Variants in ZNF729 observed in about 807,000 individuals in gnomAD.
The protein encoded by ZNF729 is zinc finger protein 729.
Under a neutral mutation model 12.2 loss-of-function variants are expected in ZNF729, and 15 were observed. That is an observed-to-expected ratio of 1.23 (90% CI 0.82 to 1.89). The LOEUF is 1.89. Ranked by LOEUF, ZNF729 falls within the 40% of genes most tolerant of loss-of-function variation. ZNF729 has a pLI of 0.00. For synonymous variants in ZNF729, 492 were observed against 476.3 expected (o/e 1.03, Z -0.43); for missense variants, 1,540 against 1,456.7 (o/e 1.06, Z -0.93).
At chr19:22,309,498 T>C (rs1968424560) in intron 3 of ZNF729, among the ~76,000 whole-genome samples, 1 of 152,238 alleles carries the variant, frequency 6.6e-6, no homozygotes, top group Non-Finnish European at 1.5e-5. Context: ...GTTTGCTTTG[T>C]CAAAGTTCAG....
rs1466439172 is a variant in ZNF729, at chr19:22,315,718, G to C, written c.2301G>C (p.Leu767Phe). 53 of 1,602,572 alleles carry C rather than the reference G, an allele frequency of 3.3e-5. No homozygotes were observed. The highest frequency in any genetic ancestry group is 1.7e-4 in the Middle Eastern group (1 of 6,040). The change falls in exon 4 of 4, where the codon TTG becomes TTC. Residue 767 changes from leucine to phenylalanine, a missense_variant. Physicochemically the swap from Leu to Phe is conservative, Grantham distance 22. Transcript: ENST00000601693. The part of the protein sequence containing the change: ...KHKVIHTREK[L>F]YKCEECVKAF... ...AGGTAATTCATACTAGGGAGAAATT[G>C]TACAAATGTGAAGAATGTGTCAAAG...
In ZNF729 at chr19:22,314,323, G is replaced by A; in HGVS notation, c.906G>A (p.Lys302=). Residue 302 remains lysine (K), a synonymous_variant, in exon 4 of 4, where the codon AAG becomes AAA. Coordinates refer to ENST00000601693, the MANE Select transcript of ZNF729 (RefSeq NM_001242680.2). ...YKCEECGKAF[K]GSSNFNAHKV... ...GTGAAGAATGTGGCAAAGCTTTTAA[G>A]GGGTCCTCAAATTTTAATGCACATA... is the stretch of plus-strand genomic sequence containing the variant. The A allele has an allele frequency of 6.2e-7, 1 of 1,606,904 alleles. No homozygotes were observed. Among genetic ancestry groups the A allele is most frequent in the South Asian group, 1.1e-5 (1 of 90,746 alleles).
At chr19:22,290,698 T>C (rs868657340) in intron 1 of ZNF729, among the ~76,000 whole-genome samples, 2 of 152,156 alleles carry the variant, frequency 1.3e-5, no homozygotes, top group African/African-American at 4.8e-5. Flanking sequence ...TAATGTTTGA[T>C]TAAGAAGTAT....
chr19:22,307,316 A>ATTT (rs35650592), intron 3 of ZNF729, among the ~76,000 whole-genome samples: 1 of 95,298 alleles, frequency 1.0e-5, no homozygotes, highest in South Asian at 4.1e-4. Flanking sequence ...ACAATGTAGC[A>ATTT]TTTTTTTTTT....
At position 22,317,041 on chromosome 19, in the gene ZNF729, A is replaced by G; in HGVS notation, c.3624A>G (p.Thr1208=). 1 of 1,609,692 alleles carries G rather than the reference A, an allele frequency of 6.2e-7. No individual in the cohort carries two copies. The highest frequency in any genetic ancestry group is 2.2e-5 in the East Asian group (1 of 44,786). Residue 1208 remains threonine, a synonymous_variant, in exon 4 of 4, where the codon ACA becomes ACG. Coordinates refer to ENST00000601693, the MANE Select transcript of ZNF729 (RefSeq NM_001242680.2). ...GCTCATACCTTATTAGACATAAAAC[A>G]ATTCATACCAGAGAGAAACCTACAA... is the stretch of plus-strand genomic sequence containing the variant. ...IQCSYLIRHK[T]IHTREKPTNV... is the part of the protein sequence containing the mutation.
rs757890328 is a variant in ZNF729, at chr19:22,314,975, G to A, written c.1558G>A (p.Glu520Lys). 6.2e-5 allele frequency: 100 copies of A among 1,611,958 alleles called. No homozygotes were observed. In the African/African-American group the frequency reaches 1.1e-3, roughly 17 times the overall value. Residue 520 changes from glutamate to lysine, a missense_variant, in exon 4 of 4, where the codon GAA becomes AAA. Coordinates refer to ENST00000601693, the MANE Select transcript of ZNF729 (RefSeq NM_001242680.2). ...TGGAAAGAAACCCTACAAATGTGAA[G>A]AATGTGGGAAAGCTTTTAGCCAGTC... Reference protein sequence around the residue: ...HTGKKPYKCEECGKAFSQSST... With the variant: ...HTGKKPYKCEKCGKAFSQSST...
At chr19:22,298,880 A>G (rs1437161713) in intron 1 of ZNF729, 1 of 152,184 alleles carries the variant, frequency 6.6e-6, no homozygotes, top group Non-Finnish European at 1.5e-5. Flanking sequence ...AACACAGATG[A>G]TGTGGCCACC....
Position 22,316,668 on chromosome 19 carries a change from C to G in ZNF729, c.3251C>G (p.Ala1084Gly), listed in dbSNP as rs1326866731. Residue 1084 changes from alanine (A) to glycine (G), a missense_variant, in exon 4 of 4, where the codon GCT (alanine) becomes GGT (glycine). Ala to Gly is a moderately conservative substitution (Grantham distance 60). Transcript: ENST00000601693. ...KPCKCEECDK[A>G]FKHFSALRKH... ...TGCAAATGTGAAGAATGTGACAAAG[C>G]TTTTAAGCATTTCTCAGCCCTTAGA... 6.2e-7 allele frequency: 1 copy of G among 1,612,632 alleles called. No homozygotes were observed. Among genetic ancestry groups the G allele is most frequent in the East Asian group, 2.2e-5 (1 of 44,822 alleles).
chr19:22,315,267 A>C lies in ZNF729; in HGVS notation c.1850A>C (p.Lys617Thr). The C allele has an allele frequency of 6.2e-7, 1 of 1,612,080 alleles. No homozygotes were observed. The highest frequency in any genetic ancestry group is 8.5e-7 in the Non-Finnish European group (1 of 1,179,368). The change falls in exon 4 of 4, where the codon AAA becomes ACA. Residue 617 changes from lysine to threonine, a missense_variant. Lys to Thr is a moderately conservative substitution (Grantham distance 78). Coordinates refer to ENST00000601693, the MANE Select transcript of ZNF729 (RefSeq NM_001242680.2). ...TTTAACAATTCCTCAATCCTTGCTA[A>C]ACATAAGATAATTCATACTGGGAAG... is the stretch of plus-strand genomic sequence containing the variant. ...KAFNNSSILA[K>T]HKIIHTGKKP...
chr19:22,298,897 C>T (rs111680583), intron 1 of ZNF729: 6 of 152,298 alleles, frequency 3.9e-5, no homozygotes, highest in African/African-American at 1.2e-4. Flanking sequence ...CACCGCAAAA[C>T]CATAATAGCT....
At chr19:22,296,567 A>T (rs970157689) in intron 1 of ZNF729, among the ~76,000 whole-genome samples, 1 of 151,562 alleles carries the variant, frequency 6.6e-6, no homozygotes, top group Non-Finnish European at 1.5e-5. Flanking sequence ...TTTATCTCGG[A>T]TTTCTTGTTC....
rs773936216 is a variant in ZNF729 at position 22,315,600 on chromosome 19, C to A, written c.2183C>A (p.Thr728Asn). The change falls in exon 4 of 4, where the codon ACT (threonine) becomes AAT (asparagine). Residue 728 changes from threonine (T) to asparagine (N), a missense_variant. By Grantham distance (65) the Thr-to-Asn change is moderately conservative. Coordinates refer to ENST00000601693, the MANE Select transcript of ZNF729 (RefSeq NM_001242680.2). The part of the protein sequence containing the change: ...GKAFKWSSKL[T>N]VHKVIHTAEK... ...GCTTTTAAGTGGTCATCAAAACTTA[C>A]TGTACATAAGGTAATTCATACTGCA... is the stretch of plus-strand genomic sequence containing the variant. The A allele has an allele frequency of 2.5e-5, 40 of 1,608,064 alleles. No individual in the cohort carries two copies. The Middle Eastern group carries it at 6.6e-4, about 27-fold the overall frequency.
rs1201486771 is a variant in ZNF729, at chr19:22,304,417, A to T, written c.158-271A>T. On this transcript the variant is annotated intron_variant, in intron 2 of 3. Transcript: ENST00000601693. ...AGCAGATCTGTATTTTTCACTCTAGATTAGTGGAAATTGCTGAAATTGAGT... is the reference window on the plus strand; with the variant it reads ...AGCAGATCTGTATTTTTCACTCTAGTTTAGTGGAAATTGCTGAAATTGAGT... Among the ~76,000 whole-genome samples, 6 of 152,256 alleles carry T rather than the reference A, an allele frequency of 3.9e-5. No individual in the cohort carries two copies. The East Asian group carries it at 1.2e-3, about 29-fold the overall frequency.
At chr19:22,304,940 C>A (rs1200324729) in intron 3 of ZNF729, among the ~76,000 whole-genome samples, 157 bp downstream of exon 3, 11 of 152,196 alleles carry the variant, frequency 7.2e-5, no homozygotes, top group Non-Finnish European at 1.5e-5. Flanking sequence ...GTAGAGGCAT[C>A]TTCTGTCTTA....
At chr19:22,291,952 T>C (rs1029495153) in intron 1 of ZNF729, among the ~76,000 whole-genome samples, 13 of 152,178 alleles carry the variant, frequency 8.5e-5, no homozygotes, top group Admixed American at 4.6e-4. Context: ...CAGGATGGTC[T>C]CAAACTCCTG....
intron 3 of ZNF729, among the ~76,000 whole-genome samples, chr19:22,310,544 A>C (rs902056712): frequency 1.3e-5 from 2 of 152,168 alleles, no homozygotes; most frequent in Admixed American, 1.3e-4. Context: ...CATCACTGGT[A>C]TGAAACCTAT....
intron 1 of ZNF729, among the ~76,000 whole-genome samples, chr19:22,303,001 C>T (rs1968333253): frequency 6.6e-6 from 1 of 152,166 alleles, no homozygotes; most frequent in Admixed American, 6.5e-5. Flanking sequence ...TCTTGAGCTC[C>T]TGACCTCAGA....
intron 1 of ZNF729, among the ~76,000 whole-genome samples, chr19:22,300,574 C>G (rs568774863): frequency 6.6e-6 from 1 of 152,316 alleles, no homozygotes; most frequent in African/African-American, 2.4e-5. Context: ...AAAGTGCATA[C>G]TGTCCCCTAA....
chr19:22,290,054 A>G (rs1349967285), intron 1 of ZNF729, among the ~76,000 whole-genome samples: 4 of 152,186 alleles, frequency 2.6e-5, no homozygotes, highest in Non-Finnish European at 5.9e-5. Flanking sequence ...ACTTACTTTC[A>G]AAAACCACAT....
Sources: allele counts gnomAD v4.1 joint callset (sites outside exome capture counted in the v4.1 genomes callset), GRCh38; gene constraint gnomAD v4.1.1; transcripts MANE v1.5; gene names NCBI Gene and HGNC (gene_info 2026-07-23, HGNC 2026-07-21).